ILDR2: variants seen among roughly 807,000 people sequenced by gnomAD.
The protein encoded by ILDR2 is immunoglobulin like domain containing receptor 2.
In ILDR2, 25 loss-of-function variants were observed where a neutral mutation model predicts 66.8. The ratio of observed to expected loss-of-function variants is 0.37; its 90% CI spans 0.27 to 0.52. ILDR2 has a LOEUF of 0.52. Ranked by LOEUF, ILDR2 falls within the 20% of genes least tolerant of loss-of-function variation. The pLI is 0.88. For missense variants in ILDR2, 827 were observed against 876.8 expected, an observed-to-expected ratio of 0.94 and a Z score of 0.72; for synonymous variants, 367 against 357.2, an observed-to-expected ratio of 1.03 and a Z score of -0.31.
rs188994201 is a variant in ILDR2, at chr1:166,942,190, C to T, written c.500-2620G>A. ...GGTCCAGGTGTAATTTTTAATAGCA[C>T]CCCTTTTTACTCTCAAAGTATTCTA... On this transcript the variant is annotated intron_variant, in intron 3 of 9. Transcript: ENST00000271417. Among the ~76,000 whole-genome samples the T allele has an allele frequency of 3.9e-5, 6 of 152,318 alleles. No individual in the cohort carries two copies. The East Asian group carries it at 9.6e-4, about 24-fold the overall frequency.
intron 2 of ILDR2, among the ~76,000 whole-genome samples, chr1:166,898,340 C>T (rs1165533315): frequency 6.6e-6 from 1 of 152,152 alleles, no homozygotes; most frequent in African/African-American, 2.4e-5. Context: ...CCCTTGATCC[C>T]CACATCCACT....
At chr1:166,924,350 A>T (rs1212652650) in intron 7 of ILDR2, among the ~76,000 whole-genome samples, 1 of 152,186 alleles carries the variant, frequency 6.6e-6, no homozygotes, top group African/African-American at 2.4e-5. Flanking sequence ...CTACTGAAAA[A>T]TAGCATTGTT....
chr1:166,975,389 G>A lies in ILDR2; in HGVS notation c.-121C>T. 2.1e-6 allele frequency: 1 copy of A among 468,562 alleles called. No individual in the cohort carries two copies. The highest frequency in any genetic ancestry group is 2.9e-6 in the Non-Finnish European group (1 of 345,490). 29.0% of individuals were successfully genotyped at this position (468,562 alleles called of 1,614,324 possible). A position where few individuals can be genotyped will look rare whatever the true frequency, so the allele number is the denominator to read the frequency against. On this transcript the variant is annotated 5_prime_UTR_variant, in exon 1 of 10. Transcript: ENST00000271417. ...GAGCGGCGGGCACCGGGCGTCCCTG[G>A]GCGCAGCGCCCGCCGGGCCGGCCGC...
chr1:166,935,156 C>T, intron 6 of ILDR2, 145 bp downstream of exon 6: 1 of 812,558 alleles, frequency 1.2e-6, no homozygotes, highest in Non-Finnish European at 2.0e-6. Context: ...TAAAAGATAT[C>T]TGACATAGCT....
At chr1:166,928,081 A>G (rs1326797268) in intron 6 of ILDR2, among the ~76,000 whole-genome samples, 1 of 152,220 alleles carries the variant, frequency 6.6e-6, no homozygotes, top group Admixed American at 6.5e-5. Flanking sequence ...AGAGGAAAAA[A>G]CGAAAGAGAG....
At chr1:166,923,449 C>T (rs779421746) in intron 7 of ILDR2, among the ~76,000 whole-genome samples, 3 of 152,238 alleles carry the variant, frequency 2.0e-5, no homozygotes, top group Non-Finnish European at 4.4e-5. Flanking sequence ...CATTTAGGAA[C>T]CTGGAAGATC....
At chr1:166,926,138 C>G (rs1043734710) in intron 7 of ILDR2, among the ~76,000 whole-genome samples, 11 of 152,180 alleles carry the variant, frequency 7.2e-5, no homozygotes, top group African/African-American at 2.7e-4. Context: ...TAAAGCTCTT[C>G]TAGTCTGGGA....
intron 6 of ILDR2, among the ~76,000 whole-genome samples, chr1:166,927,407 A>G (rs1660363883): frequency 6.6e-6 from 1 of 152,230 alleles, no homozygotes; most frequent in Admixed American, 6.5e-5. Context: ...ACAAAATTCC[A>G]TTACAGTCTA....
At chr1:166,946,486 G>GTT (rs55658470) in intron 3 of ILDR2, among the ~76,000 whole-genome samples, 3 of 151,886 alleles carry the variant, frequency 2.0e-5, no homozygotes, top group Admixed American at 1.3e-4. Context: ...TTGGTTTTTT[G>GTT]TTTTTTGTTT....
At chr1:166,947,560 G>A (rs1420439932) in intron 3 of ILDR2, among the ~76,000 whole-genome samples, 5 of 152,232 alleles carry the variant, frequency 3.3e-5, no homozygotes, top group African/African-American at 4.8e-5. Flanking sequence ...GGAGAAAAAT[G>A]GGACAACTGT....
chr1:166,917,973 T>A lies in ILDR2; in HGVS notation c.*1382A>T, dbSNP rs1166657641. 6.6e-6 allele frequency: 1 copy of A among 152,182 alleles called. No homozygotes were observed. Among genetic ancestry groups the A allele is most frequent in the African/African-American group, 2.4e-5 (1 of 41,430 alleles). 9.4% of individuals were successfully genotyped at this position (152,182 alleles called of 1,614,324 possible). A position where few individuals can be genotyped will look rare whatever the true frequency, so the allele number is the denominator to read the frequency against. On this transcript the variant is annotated 3_prime_UTR_variant, in exon 10 of 10. Transcript: ENST00000271417. ...CACAAGAACTTTTCAAGTCTCTGCT[T>A]GTGTCACATTTGTTGGGCTACTGGC... is the stretch of plus-strand genomic sequence containing the variant.
chr1:166,939,430 A>C, intron 4 of ILDR2, 84 bp downstream of exon 4: 1 of 1,115,984 alleles, frequency 9.0e-7, no homozygotes, highest in East Asian at 2.4e-5. Flanking sequence ...CAATAAAGTA[A>C]AGAAGCAATT....
downstream of ILDR2, among the ~76,000 whole-genome samples, chr1:166,903,482 C>T (rs1023264194): frequency 6.6e-6 from 1 of 152,226 alleles, no homozygotes; most frequent in Non-Finnish European, 1.5e-5. Flanking sequence ...CGTATCTCTT[C>T]TGTTCACATT....
At chr1:166,968,592 C>T (rs1181761162) in intron 1 of ILDR2, among the ~76,000 whole-genome samples, 1 of 152,152 alleles carries the variant, frequency 6.6e-6, no homozygotes, top group Non-Finnish European at 1.5e-5. Flanking sequence ...CCCATCCTTG[C>T]ATTGGTCCCT....
At chr1:166,898,753 G>T (rs1423171655) in intron 2 of ILDR2, among the ~76,000 whole-genome samples, 1 of 152,056 alleles carries the variant, frequency 6.6e-6, no homozygotes, top group African/African-American at 2.4e-5. Flanking sequence ...TGTACTTAGT[G>T]TTAAGGAAAC....
At chr1:166,939,450 T>A in intron 4 of ILDR2, 64 bp downstream of exon 4, 1 of 1,360,842 alleles carries the variant, frequency 7.3e-7, no homozygotes, top group Admixed American at 1.7e-5. Flanking sequence ...TAGCGACTAA[T>A]GCAGAAGCAA....
chr1:166,974,178 C>T (rs1470035759), intron 1 of ILDR2, among the ~76,000 whole-genome samples: 2 of 152,254 alleles, frequency 1.3e-5, no homozygotes, highest in Middle Eastern at 3.4e-3. Context: ...CCTTCCACCC[C>T]CATCCTGTCC....
chr1:166,961,954 A>T (rs1662644157), intron 1 of ILDR2, among the ~76,000 whole-genome samples: 1 of 152,222 alleles, frequency 6.6e-6, no homozygotes, highest in South Asian at 2.1e-4. Context: ...GTATGCACAC[A>T]TGCATACACA....
rs913779036 is a variant in ILDR2, at chr1:166,909,337, G to C, written c.*10018C>G. 3 of 152,114 alleles carry C rather than the reference G, an allele frequency of 2.0e-5. No homozygotes were observed. Among genetic ancestry groups the C allele is most frequent in the Non-Finnish European group, 4.4e-5 (3 of 68,026 alleles). 9.4% of individuals were successfully genotyped at this position (152,114 alleles called of 1,614,324 possible). A position where few individuals can be genotyped will look rare whatever the true frequency, so the allele number is the denominator to read the frequency against. On this transcript the variant is annotated 3_prime_UTR_variant, in exon 10 of 10. Coordinates refer to ENST00000271417, the MANE Select transcript of ILDR2 (RefSeq NM_199351.3). ...AAAACACAAGTAGGTGTGGATGATG[G>C]ACAGGGAATCTTAAATCTTACTACA...
Sources: allele counts gnomAD v4.1 joint callset (sites outside exome capture counted in the v4.1 genomes callset), GRCh38; gene constraint gnomAD v4.1.1; transcripts MANE v1.5; gene names NCBI Gene and HGNC (gene_info 2026-07-23, HGNC 2026-07-21).